DLGAP2: variants seen among roughly 807,000 people sequenced by gnomAD.
The protein encoded by DLGAP2 is DLG associated protein 2.
Under a neutral mutation model 100.3 loss-of-function variants are expected in DLGAP2, and 26 were observed. That is an observed-to-expected ratio of 0.26 (90% CI 0.19 to 0.36). DLGAP2 has a LOEUF of 0.36. DLGAP2 is among the 10% of genes least tolerant of loss of function. The pLI is 1.00. For missense variants in DLGAP2, 1,858 were observed against 1,453.2 expected (o/e 1.28, Z -4.53); for synonymous variants, 886 against 630.1 (o/e 1.41, Z -6.08).
chr8:1,415,648 T>C (rs750763888), intron 3 of DLGAP2, among the ~76,000 whole-genome samples: 1 of 152,216 alleles, frequency 6.6e-6, no homozygotes, highest in Admixed American at 6.5e-5. Context: ...GATTCCATTC[T>C]CTCTTACGGC....
chr8:793,918 C>T (rs1326006619), intron 1 of DLGAP2, among the ~76,000 whole-genome samples: 1 of 152,166 alleles, frequency 6.6e-6, no homozygotes, highest in Non-Finnish European at 1.5e-5. Flanking sequence ...TGGGGGCTCT[C>T]CCTCTATTGT....
At chr8:1,544,974 A>C (rs2130501776) in intron 4 of DLGAP2, among the ~76,000 whole-genome samples, 1 of 151,842 alleles carries the variant, frequency 6.6e-6, no homozygotes, top group East Asian at 1.9e-4. Context: ...CTTGTGATTC[A>C]CCCATCTCAG....
At chr8:1,510,838 C>T (rs1436274582) in intron 4 of DLGAP2, among the ~76,000 whole-genome samples, 5 of 152,168 alleles carry the variant, frequency 3.3e-5, no homozygotes, top group Non-Finnish European at 7.3e-5. Context: ...AAAGGCAAAC[C>T]TTGCATTTGA....
intron 1 of DLGAP2, among the ~76,000 whole-genome samples, chr8:884,845 A>G (rs892464190): frequency 6.6e-6 from 1 of 152,232 alleles, no homozygotes; most frequent in African/African-American, 2.4e-5. Flanking sequence ...CGTTTTCTGC[A>G]TATGGCTGGC....
At chr8:955,978 A>G (rs1413493776) in intron 2 of DLGAP2, among the ~76,000 whole-genome samples, 1 of 152,034 alleles carries the variant, frequency 6.6e-6, no homozygotes. Flanking sequence ...GGGCCCTGTG[A>G]CTTTGGGAGG....
At chr8:838,869 G>C (rs1178845621) in intron 1 of DLGAP2, among the ~76,000 whole-genome samples, 1 of 152,200 alleles carries the variant, frequency 6.6e-6, no homozygotes, top group Non-Finnish European at 1.5e-5. Flanking sequence ...TGGGGAGCGA[G>C]AGCATGTCTG....
chr8:1,647,472 G>A (rs1798066700), intron 8 of DLGAP2, among the ~76,000 whole-genome samples: 1 of 100,686 alleles, frequency 9.9e-6, no homozygotes. Flanking sequence ...CTGGGAGACA[G>A]AGAGAGACTC....
chr8:781,951 C>G (rs1298843360), intron 1 of DLGAP2, among the ~76,000 whole-genome samples: 2 of 151,982 alleles, frequency 1.3e-5, no homozygotes, highest in Non-Finnish European at 2.9e-5. Context: ...TGGAGAGAGG[C>G]TGATTAATGG....
chr8:1,253,545 C>G (rs1346948036), intron 2 of DLGAP2, among the ~76,000 whole-genome samples: 1 of 152,234 alleles, frequency 6.6e-6, no homozygotes, highest in Non-Finnish European at 1.5e-5. Flanking sequence ...GCAGTTTCCT[C>G]TTTTCTAGGA....
intron 2 of DLGAP2, among the ~76,000 whole-genome samples, chr8:941,485 T>C (rs1364787642): frequency 6.6e-6 from 1 of 152,146 alleles, no homozygotes; most frequent in Non-Finnish European, 1.5e-5. Context: ...CGAGGGCTCA[T>C]TACTAACTAA....
At chr8:748,763 G>A (rs1820716444) in intron 1 of DLGAP2, among the ~76,000 whole-genome samples, 2 of 152,332 alleles carry the variant, frequency 1.3e-5, no homozygotes, top group East Asian at 3.9e-4. Flanking sequence ...GCAGTGGACT[G>A]GGATGCTCTC....
At chr8:1,245,599 A>G (rs1798886318) in intron 2 of DLGAP2, among the ~76,000 whole-genome samples, 1 of 152,242 alleles carries the variant, frequency 6.6e-6, no homozygotes, top group Non-Finnish European at 1.5e-5. Flanking sequence ...AATGAGGGTT[A>G]ACTGCCGAAG....
intron 1 of DLGAP2, among the ~76,000 whole-genome samples, chr8:804,760 C>G (rs1355162561): frequency 6.6e-6 from 1 of 152,164 alleles, no homozygotes; most frequent in Non-Finnish European, 1.5e-5. Context: ...AATATCACTT[C>G]TTTTTCATTT....
intron 3 of DLGAP2, among the ~76,000 whole-genome samples, chr8:1,410,966 G>A (rs1796714990): frequency 6.6e-6 from 1 of 151,548 alleles, no homozygotes; most frequent in African/African-American, 2.4e-5. Context: ...TGTTATAATT[G>A]CATAGTGTTG....
chr8:1,326,643 G>C (rs999965123), intron 3 of DLGAP2, among the ~76,000 whole-genome samples: 1 of 152,198 alleles, frequency 6.6e-6, no homozygotes, highest in Non-Finnish European at 1.5e-5. Flanking sequence ...TCAGGACACG[G>C]CGAGCTCTTA....
At position 970,941 on chromosome 8, in the gene DLGAP2, C is replaced by T. The variant is rs550944311; in HGVS notation, c.73+62975C>T. ...ATGTTTAAGTAATGTGCATTATTTT[C>T]TGCTAGAATGCAAGTGAAGAAAATA... On this transcript the variant is annotated intron_variant, in intron 2 of 14. Coordinates refer to ENST00000637795, the MANE Select transcript of DLGAP2 (RefSeq NM_001346810.2). 2.6e-5 allele frequency among the ~76,000 whole-genome samples: 4 copies of T among 152,280 alleles called. No individual in the cohort carries two copies. The South Asian group carries it at 8.3e-4, about 32-fold the overall frequency.
chr8:995,077 A>G (rs988455300), intron 2 of DLGAP2, among the ~76,000 whole-genome samples: 2 of 152,184 alleles, frequency 1.3e-5, no homozygotes, highest in Non-Finnish European at 2.9e-5. Flanking sequence ...ATGTCTGTAA[A>G]TTATTGAGCA....
intron 6 of DLGAP2, among the ~76,000 whole-genome samples, chr8:1,610,044 G>A (rs1796944738): frequency 6.6e-6 from 1 of 151,678 alleles, no homozygotes. Flanking sequence ...GGACCTAATA[G>A]ACATCTACAG....
At chr8:880,994 A>G (rs1011607652) in intron 1 of DLGAP2, among the ~76,000 whole-genome samples, 1 of 152,186 alleles carries the variant, frequency 6.6e-6, no homozygotes, top group East Asian at 1.9e-4. Context: ...ACAACAGCTC[A>G]TGCTTGATAG....
Sources: allele counts gnomAD v4.1 joint callset (sites outside exome capture counted in the v4.1 genomes callset), GRCh38; gene constraint gnomAD v4.1.1; transcripts MANE v1.5; gene names NCBI Gene and HGNC (gene_info 2026-07-23, HGNC 2026-07-21).